Variants in PTPRD observed in about 807,000 individuals in gnomAD.
PTPRD encodes protein tyrosine phosphatase receptor type D.
PTPRD carries 34 observed loss-of-function variants against 214.5 expected under a neutral mutation model. The ratio of observed to expected loss-of-function variants is 0.16; its 90% CI spans 0.12 to 0.21. PTPRD has a LOEUF of 0.21. PTPRD is among the 10% of genes least tolerant of loss of function. The pLI, the probability that PTPRD is intolerant of heterozygous loss-of-function variation, is 1.00. For missense variants in PTPRD, 2,545 were observed against 2,398.7 expected (o/e 1.06, Z -1.27); for synonymous variants, 1,128 against 845.7 (o/e 1.33, Z -5.79).
At chr9:10,122,485 T>C (rs56296259) in intron 3 of PTPRD, among the ~76,000 whole-genome samples, 7,116 of 152,090 alleles carry the variant, frequency 0.047, 557 homozygotes, top group African/African-American at 0.16. Context: ...TTAAGGACAA[T>C]TGGATGCAGA....
chr9:10,323,299 C>T (rs1351995366), intron 3 of PTPRD, among the ~76,000 whole-genome samples: 1 of 109,190 alleles, frequency 9.2e-6, no homozygotes, highest in Non-Finnish European at 1.8e-5. Context: ...CCTCCCCTCC[C>T]CTCCCATTCC....
In PTPRD at chr9:9,421,139, T is replaced by C. The variant is rs1032388225; in HGVS notation, c.-236-23657A>G. ...TAACAGTTGATGATGCTACTTAGAGTTGTCCCATCCATAACCTCGAGAGCC... is the reference window on the plus strand; with the variant it reads ...TAACAGTTGATGATGCTACTTAGAGCTGTCCCATCCATAACCTCGAGAGCC... On this transcript the variant is annotated intron_variant, in intron 8 of 45. Coordinates refer to ENST00000381196, the MANE Select transcript of PTPRD (RefSeq NM_002839.4). 7.4e-4 allele frequency among the ~76,000 whole-genome samples: 112 copies of C among 152,034 alleles called. 1 individual carries two copies. Among genetic ancestry groups the C allele is most frequent in the African/African-American group, 2.6e-3 (108 of 41,524 alleles).
At chr9:10,026,008 G>T (rs2096916158) in intron 4 of PTPRD, among the ~76,000 whole-genome samples, 1 of 152,218 alleles carries the variant, frequency 6.6e-6, no homozygotes, top group African/African-American at 2.4e-5. Flanking sequence ...GAAGGGTTAA[G>T]CAATGGATCT....
chr9:8,529,382 G>C (rs961045235), intron 14 of PTPRD, among the ~76,000 whole-genome samples: 1 of 152,038 alleles, frequency 6.6e-6, no homozygotes, highest in Non-Finnish European at 1.5e-5. Flanking sequence ...CTTTGTAAGA[G>C]CTTCAATTAA....
chr9:9,943,400 G>C (rs535541020), intron 4 of PTPRD, among the ~76,000 whole-genome samples: 1 of 152,208 alleles, frequency 6.6e-6, no homozygotes, highest in East Asian at 1.9e-4. Flanking sequence ...CGTCAGGTCA[G>C]TAAGAAGTTT....
intron 11 of PTPRD, among the ~76,000 whole-genome samples, chr9:8,995,234 T>C (rs374977310): frequency 7.2e-5 from 11 of 152,090 alleles, no homozygotes; most frequent in East Asian, 3.9e-4. Context: ...TAACATTAAA[T>C]AATTACTTTA....
chr9:8,355,186 A>G (rs1346049595), intron 39 of PTPRD, among the ~76,000 whole-genome samples: 1 of 151,366 alleles, frequency 6.6e-6, no homozygotes, highest in Non-Finnish European at 1.5e-5. Flanking sequence ...ATAGTGCGGC[A>G]CCTCTCCTGT....
In PTPRD at chr9:8,340,400, G is replaced by A. The variant is rs373802637; in HGVS notation, c.5196C>T (p.Leu1732=). Residue 1732 remains leucine, a synonymous_variant, in exon 42 of 46, where the codon CTC becomes CTT. Coordinates refer to ENST00000381196, the MANE Select transcript of PTPRD (RefSeq NM_002839.4). ...CAACTATGGTGGAATTGTGTTCCCA[G>A]AGCATCCGCCAGAAGTCTTCAGTGG... The part of the protein sequence containing the change: ...AETTEDFWRM[L]WEHNSTIVVM... The A allele has an allele frequency of 6.2e-7, 1 of 1,611,140 alleles. No homozygotes were observed. Among genetic ancestry groups the A allele is most frequent in the East Asian group, 2.2e-5 (1 of 44,832 alleles).
At chr9:10,505,362 A>G (rs1566587996) in intron 2 of PTPRD, among the ~76,000 whole-genome samples, 1 of 152,168 alleles carries the variant, frequency 6.6e-6, no homozygotes, top group Non-Finnish European at 1.5e-5. Context: ...AGTTTTCATG[A>G]AAGAGCTGCA....
intron 9 of PTPRD, among the ~76,000 whole-genome samples, chr9:9,388,608 G>C (rs1216519175): frequency 6.6e-6 from 1 of 151,996 alleles, no homozygotes; most frequent in African/African-American, 2.4e-5. Flanking sequence ...TCACAGGCTT[G>C]TTCTCATATA....
At chr9:10,222,420 T>C (rs1186621406) in intron 3 of PTPRD, among the ~76,000 whole-genome samples, 1 of 152,088 alleles carries the variant, frequency 6.6e-6, no homozygotes, top group East Asian at 1.9e-4. Flanking sequence ...TTTACCTCAG[T>C]TATCTAAACA....
At chr9:9,241,848 A>G (rs2099970516) in intron 9 of PTPRD, among the ~76,000 whole-genome samples, 1 of 151,826 alleles carries the variant, frequency 6.6e-6, no homozygotes, top group African/African-American at 2.4e-5. Context: ...ATTTACACTG[A>G]AGGGTAATAT....
chr9:9,425,190 T>C (rs4742599), intron 8 of PTPRD, among the ~76,000 whole-genome samples: 121,647 of 151,088 alleles, frequency 0.81, 49,089 homozygotes, highest in Non-Finnish European at 0.81. Context: ...AGTACATCCA[T>C]TTTATTGTGG....
At chr9:10,355,833 C>T (rs1265714938) in intron 2 of PTPRD, among the ~76,000 whole-genome samples, 1 of 151,918 alleles carries the variant, frequency 6.6e-6, no homozygotes. Flanking sequence ...ATGAAAGAAA[C>T]ACTATGATAT....
chr9:9,009,917 TG>T (rs1162245974), intron 11 of PTPRD, among the ~76,000 whole-genome samples: 2 of 152,106 alleles, frequency 1.3e-5, no homozygotes, highest in Non-Finnish European at 2.9e-5. Flanking sequence ...TAGGTTGACT[TG>T]GTGCCTCTAC....
chr9:8,896,097 G>A (rs2098608118), intron 11 of PTPRD, among the ~76,000 whole-genome samples: 1 of 152,056 alleles, frequency 6.6e-6, no homozygotes, highest in South Asian at 2.1e-4. Flanking sequence ...GTTGACATGG[G>A]GCAAGACAAG....
intron 14 of PTPRD, among the ~76,000 whole-genome samples, chr9:8,550,619 T>C (rs1364752318): frequency 6.6e-6 from 1 of 152,156 alleles, no homozygotes; most frequent in Non-Finnish European, 1.5e-5. Context: ...AGCAACAAAT[T>C]AAAGAAGAGA....
chr9:8,537,241 A>T lies in PTPRD; in HGVS notation c.353-8462T>A, dbSNP rs531612665. Among the ~76,000 whole-genome samples the T allele has an allele frequency of 2.0e-5, 3 of 152,016 alleles. No individual in the cohort carries two copies. The East Asian group carries it at 5.8e-4, about 29-fold the overall frequency. On this transcript the variant is annotated intron_variant, in intron 14 of 45. Transcript: ENST00000381196. ...TCTAGCAAAGTTGGGCTCTTGGGCC[A>T]TTATCGAAATGTTACGCATATGAAT...
chr9:8,460,090 A>G (rs1591115946), intron 33 of PTPRD, among the ~76,000 whole-genome samples: 1 of 152,156 alleles, frequency 6.6e-6, no homozygotes, highest in Non-Finnish European at 1.5e-5. Flanking sequence ...GAAAGCTTGC[A>G]TGGAATTATT....
Sources: allele counts gnomAD v4.1 joint callset (sites outside exome capture counted in the v4.1 genomes callset), GRCh38; gene constraint gnomAD v4.1.1; transcripts MANE v1.5; gene names NCBI Gene and HGNC (gene_info 2026-07-23, HGNC 2026-07-21).